Variants in PRKCI observed in about 807,000 individuals in gnomAD.
The protein encoded by PRKCI is protein kinase C iota type.
In PRKCI, 43 loss-of-function variants were observed where a neutral mutation model predicts 84.0. The observed-to-expected ratio is 0.51, with a 90% CI of 0.40 to 0.66. The LOEUF is 0.66. PRKCI is among the 30% of genes least tolerant of loss of function. The probability of loss-of-function intolerance (pLI) is 0.00; values close to 1 mark genes in which losing one functional copy is unlikely to be tolerated. For missense variants in PRKCI, 459 were observed against 745.6 expected (o/e 0.62, Z 4.48); for synonymous variants, 216 against 234.4 (o/e 0.92, Z 0.72).
At chr3:170,228,526 G>T (rs1732692195) in intron 1 of PRKCI, among the ~76,000 whole-genome samples, 2 of 151,820 alleles carry the variant, frequency 1.3e-5, no homozygotes, top group African/African-American at 2.4e-5. Context: ...AGTGAGCTGT[G>T]ATTGCACCAC....
chr3:170,242,366 A>G (rs1733155906), intron 2 of PRKCI, among the ~76,000 whole-genome samples: 1 of 151,274 alleles, frequency 6.6e-6, no homozygotes, highest in African/African-American at 2.5e-5. Flanking sequence ...TGCTTAGCCC[A>G]GGAGGTTGAG....
intron 5 of PRKCI, among the ~76,000 whole-genome samples, chr3:170,268,914 T>C (rs113078147): frequency 7.7e-6 from 1 of 130,204 alleles, no homozygotes; most frequent in Admixed American, 7.0e-5. Flanking sequence ...TATTATTTAT[T>C]TATTTTTTTT....
rs369750966 is a variant in PRKCI at position 170,285,268 on chromosome 3, A to G, written c.1203+672A>G. 9.5e-4 allele frequency among the ~76,000 whole-genome samples: 145 copies of G among 151,896 alleles called. 2 individuals are homozygous for G. Among genetic ancestry groups the G allele is most frequent in the African/African-American group, 3.4e-3 (141 of 41,430 alleles). Reference sequence around the variant, plus strand: ...CTAAGTTTTTGTATTTTTAGAAGAGACGGGGTTTCACCATGTTAGCCAGGA... The same window carrying G: ...CTAAGTTTTTGTATTTTTAGAAGAGGCGGGGTTTCACCATGTTAGCCAGGA... On this transcript the variant is annotated intron_variant, in intron 12 of 17. Transcript: ENST00000295797.
chr3:170,296,923 A>AT (rs1167262902), intron 15 of PRKCI, among the ~76,000 whole-genome samples: 1 of 152,040 alleles, frequency 6.6e-6, no homozygotes, highest in East Asian at 1.9e-4. Context: ...GGGCATGGGG[A>AT]TTTTAAATTA....
At chr3:170,270,285 T>G in intron 5 of PRKCI, 136 bp from the exon 6 acceptor site, 1 of 822,224 alleles carries the variant, frequency 1.2e-6, no homozygotes. Context: ...TGAGGAAGCT[T>G]TGTTTTGCTT....
intron 2 of PRKCI, among the ~76,000 whole-genome samples, chr3:170,258,503 A>AG (rs2108847751): frequency 6.6e-6 from 1 of 151,968 alleles, no homozygotes; most frequent in Admixed American, 6.6e-5. Context: ...ATGGGCTTTC[A>AG]TCATGTTGGC....
rs1734522741 is a variant in PRKCI at position 170,290,518 on chromosome 3, G to A, written c.1204-1336G>A. On this transcript the variant is annotated intron_variant, in intron 12 of 17. Transcript: ENST00000295797. ...ATATAGACGTACATATATTCTACAT[G>A]TATATGTATTTTGTATATATATATA... is the stretch of plus-strand genomic sequence containing the variant. Among the ~76,000 whole-genome samples, 3 of 151,144 alleles carry A rather than the reference G, an allele frequency of 2.0e-5. No individual in the cohort carries two copies. In the South Asian group the frequency reaches 6.2e-4, roughly 31 times the overall value.
chr3:170,277,073 T>C (rs1182310986), intron 8 of PRKCI, among the ~76,000 whole-genome samples: 2 of 140,030 alleles, frequency 1.4e-5, no homozygotes, highest in African/African-American at 5.4e-5. Flanking sequence ...AAACCCCATG[T>C]CTACTAAAAA....
intron 2 of PRKCI, among the ~76,000 whole-genome samples, chr3:170,244,491 C>G (rs1733219178): frequency 1.3e-5 from 2 of 152,100 alleles, no homozygotes; most frequent in African/African-American, 4.8e-5. Context: ...GTACCTTGTC[C>G]CATTACCTCT....
At chr3:170,296,907 A>G (rs185477368) in intron 15 of PRKCI, among the ~76,000 whole-genome samples, 3 of 152,270 alleles carry the variant, frequency 2.0e-5, no homozygotes, top group African/African-American at 4.8e-5. Context: ...GTTTGTTGCT[A>G]TAATTGGGCA....
At chr3:170,236,826 C>T (rs1307603665) in intron 2 of PRKCI, among the ~76,000 whole-genome samples, 2 of 142,566 alleles carry the variant, frequency 1.4e-5, no homozygotes, top group East Asian at 4.1e-4. Flanking sequence ...TGTGCCACTG[C>T]ACTCCAGCAA....
At chr3:170,247,934 A>G (rs1733332144) in intron 2 of PRKCI, among the ~76,000 whole-genome samples, 1 of 152,062 alleles carries the variant, frequency 6.6e-6, no homozygotes, top group South Asian at 2.1e-4. Context: ...GCAAATCTGT[A>G]TTTTAAGCAG....
intron 10 of PRKCI, 95 bp downstream of exon 10, chr3:170,281,358 A>T: frequency 1.1e-6 from 1 of 925,036 alleles, no homozygotes; most frequent in Non-Finnish European, 1.7e-6. Context: ...TGAAGTTGAT[A>T]TCATGGAGGA....
chr3:170,223,710 C>G (rs1183216537), intron 1 of PRKCI, among the ~76,000 whole-genome samples: 1 of 152,032 alleles, frequency 6.6e-6, no homozygotes, highest in Non-Finnish European at 1.5e-5. Context: ...TCACAGAAAA[C>G]CCAGCTACTT....
At position 170,303,919 on chromosome 3, in the gene PRKCI, C is replaced by T; in HGVS notation, c.*792C>T. 2 of 168,856 alleles carry T rather than the reference C, an allele frequency of 1.2e-5. No individual in the cohort carries two copies. The highest frequency in any genetic ancestry group is 1.2e-4 in the East Asian group (1 of 8,592). The allele number at this position is 168,856 out of a possible 1,614,324, so 10.5% of individuals were successfully genotyped here. ...GGCTGAAACAGGAGAATCGCTTGAA[C>T]CCAGGAGATGGAGTTGGCAGTGAGC... On this transcript the variant is annotated 3_prime_UTR_variant, in exon 18 of 18. Coordinates refer to ENST00000295797, the MANE Select transcript of PRKCI (RefSeq NM_002740.6).
chr3:170,290,327 G>A (rs895313513), intron 12 of PRKCI, among the ~76,000 whole-genome samples: 9 of 151,464 alleles, frequency 5.9e-5, no homozygotes, highest in Admixed American at 3.3e-4. Flanking sequence ...TTGCCTTTTG[G>A]CCAGAGAATG....
Position 170,303,397 on chromosome 3 carries a change from C to CT in PRKCI, c.*276dup. 1 of 249,282 alleles carries CT rather than the reference C, an allele frequency of 4.0e-6. No individual in the cohort carries two copies. The highest frequency in any genetic ancestry group is 7.0e-6 in the Non-Finnish European group (1 of 142,390). The allele number at this position is 249,282 out of a possible 1,614,324, so 15.4% of individuals were successfully genotyped here. A position where few individuals can be genotyped will look rare whatever the true frequency, so the allele number is the denominator to read the frequency against. ...GCCTACAGATGAGTAATGAAGTTAT[C>CT]TTTTTTGTTTAAAAAAAAAAAAAAC... On this transcript the variant is annotated 3_prime_UTR_variant, in exon 18 of 18. Transcript: ENST00000295797.
At chr3:170,229,442 G>A (rs552250257) in intron 1 of PRKCI, among the ~76,000 whole-genome samples, 1 of 152,268 alleles carries the variant, frequency 6.6e-6, no homozygotes, top group Non-Finnish European at 1.5e-5. Context: ...AGCCTCCTGA[G>A]TAGCTAGGAT....
chr3:170,286,458 C>T (rs970192970), intron 12 of PRKCI, among the ~76,000 whole-genome samples: 46 of 138,494 alleles, frequency 3.3e-4, no homozygotes, highest in African/African-American at 1.2e-3. Context: ...ACCCTTCATA[C>T]GAAGTGCACA....
Sources: gnomAD v4.1 joint callset for allele counts (sites outside exome capture counted in the v4.1 genomes callset) on GRCh38, gnomAD v4.1.1 for gene constraint, MANE v1.5 for transcripts, NCBI Gene and HGNC (gene_info 2026-07-23, HGNC 2026-07-21) for gene names.